Variants in PTPRD observed in about 807,000 individuals in gnomAD.
PTPRD encodes receptor-type tyrosine-protein phosphatase delta.
PTPRD carries 34 observed loss-of-function variants against 214.5 expected under a neutral mutation model. That is an observed-to-expected ratio of 0.16 (90% CI 0.12 to 0.21). The LOEUF (loss-of-function observed/expected upper bound fraction) is 0.21. Ranked by LOEUF, PTPRD falls within the 10% of genes least tolerant of loss-of-function variation. The pLI is 1.00. For missense variants in PTPRD, 2,545 were observed against 2,398.7 expected, an observed-to-expected ratio of 1.06 and a Z score of -1.27; for synonymous variants, 1,128 against 845.7, an observed-to-expected ratio of 1.33 and a Z score of -5.79.
At chr9:10,392,063 C>A (rs1259315037) in intron 2 of PTPRD, among the ~76,000 whole-genome samples, 1 of 151,834 alleles carries the variant, frequency 6.6e-6, no homozygotes, top group Non-Finnish European at 1.5e-5. Flanking sequence ...CATAGCATTT[C>A]ATCACTACTG....
chr9:8,779,199 C>A (rs966299812), intron 11 of PTPRD, among the ~76,000 whole-genome samples: 1 of 152,034 alleles, frequency 6.6e-6, no homozygotes, highest in Non-Finnish European at 1.5e-5. Context: ...AGAGAGCGAG[C>A]GAATAATATA....
intron 7 of PTPRD, among the ~76,000 whole-genome samples, chr9:9,641,423 C>A (rs960272072): frequency 1.3e-5 from 2 of 152,110 alleles, no homozygotes; most frequent in East Asian, 3.9e-4. Flanking sequence ...GATGAGCAGG[C>A]AAAGATAAGT....
At chr9:10,609,696 C>CA in intron 2 of PTPRD, among the ~76,000 whole-genome samples, 1 of 151,892 alleles carries the variant, frequency 6.6e-6, no homozygotes, top group Non-Finnish European at 1.5e-5. Flanking sequence ...AAGAATAAAG[C>CA]AAAAAAAGTT....
chr9:9,339,810 A>T (rs1304518419), intron 9 of PTPRD, among the ~76,000 whole-genome samples: 1 of 152,198 alleles, frequency 6.6e-6, no homozygotes, highest in Non-Finnish European at 1.5e-5. Flanking sequence ...AGACTATAGC[A>T]ATGGAACATC....
At chr9:9,095,384 C>T (rs2099782025) in intron 10 of PTPRD, among the ~76,000 whole-genome samples, 1 of 152,094 alleles carries the variant, frequency 6.6e-6, no homozygotes, top group African/African-American at 2.4e-5. Flanking sequence ...GCTATTTGAA[C>T]TAGGGTTGCA....
intron 35 of PTPRD, among the ~76,000 whole-genome samples, chr9:8,410,742 A>G (rs2093444646): frequency 6.6e-6 from 1 of 152,202 alleles, no homozygotes; most frequent in Admixed American, 6.5e-5. Context: ...GATAAAATGC[A>G]TCAGCTTTAC....
At chr9:9,740,524 ATT>A (rs33950646) in intron 6 of PTPRD, among the ~76,000 whole-genome samples, 1 of 151,316 alleles carries the variant, frequency 6.6e-6, no homozygotes, top group African/African-American at 2.4e-5. Flanking sequence ...CGCCCGGCTA[ATT>A]TTTTTTGTGT....
At chr9:9,523,159 A>G (rs1273381637) in intron 8 of PTPRD, among the ~76,000 whole-genome samples, 4 of 152,224 alleles carry the variant, frequency 2.6e-5, no homozygotes, top group Non-Finnish European at 5.9e-5. Flanking sequence ...TTTTAAAAAA[A>G]TGCTTTTTTA....
intron 4 of PTPRD, among the ~76,000 whole-genome samples, chr9:9,977,253 C>A: frequency 6.6e-6 from 1 of 152,142 alleles, no homozygotes. Context: ...TAGAACTTAC[C>A]AATTTGAAGC....
rs753157833 is a variant in PTPRD, at chr9:9,397,475, A to T, written c.-229T>A. 2 of 152,466 alleles carry T rather than the reference A, an allele frequency of 1.3e-5. No homozygotes were observed. Among genetic ancestry groups the T allele is most frequent in the African/African-American group, 2.4e-5 (1 of 41,442 alleles). The allele number at this position is 152,466 out of a possible 1,614,324, so 9.4% of individuals were successfully genotyped here. On this transcript the variant is annotated 5_prime_UTR_variant, in exon 9 of 46. Coordinates refer to ENST00000381196, the MANE Select transcript of PTPRD (RefSeq NM_002839.4). ...ACAGTTGTTCAGTTAATGGACAGGC[A>T]CCATCATCTGAAACAACAAAAATGT...
intron 12 of PTPRD, among the ~76,000 whole-genome samples, chr9:8,693,842 G>C (rs1373136105): frequency 6.6e-6 from 1 of 152,170 alleles, no homozygotes; most frequent in East Asian, 1.9e-4. Flanking sequence ...AGAACAACTT[G>C]CGTTGCTTGA....
intron 2 of PTPRD, among the ~76,000 whole-genome samples, chr9:10,455,965 T>G (rs1019259268): frequency 6.6e-6 from 1 of 151,838 alleles, no homozygotes; most frequent in African/African-American, 2.4e-5. Context: ...GTTCTTCTAT[T>G]TCTGTTTTAA....
At chr9:9,425,275 G>C (rs1053355795) in intron 8 of PTPRD, among the ~76,000 whole-genome samples, 4 of 151,680 alleles carry the variant, frequency 2.6e-5, no homozygotes, top group African/African-American at 9.7e-5. Context: ...GCCTGGCCCA[G>C]TTCCATGACG....
At chr9:10,497,183 C>T (rs2042318915) in intron 2 of PTPRD, among the ~76,000 whole-genome samples, 1 of 151,906 alleles carries the variant, frequency 6.6e-6, no homozygotes, top group African/African-American at 2.4e-5. Flanking sequence ...GGGGCAAAAA[C>T]TACCTTACTA....
At chr9:9,840,815 A>AAATACACTGGAATGCAATCTATG (rs2058141223) in intron 5 of PTPRD, among the ~76,000 whole-genome samples, 1 of 149,294 alleles carries the variant, frequency 6.7e-6, no homozygotes, top group Non-Finnish European at 1.5e-5. Context: ...AGGGGAAGGG[A>AAATACACTGGAATGCAATCTATG]AATACACTGG....
At chr9:9,708,866 A>G (rs1307926186) in intron 7 of PTPRD, among the ~76,000 whole-genome samples, 1 of 152,036 alleles carries the variant, frequency 6.6e-6, no homozygotes, top group Non-Finnish European at 1.5e-5. Context: ...AAATTTAAAA[A>G]ACACAATTTT....
intron 2 of PTPRD, among the ~76,000 whole-genome samples, chr9:10,472,612 C>T (rs2099038308): frequency 6.6e-6 from 1 of 152,078 alleles, no homozygotes. Context: ...TTTGGGATAA[C>T]TCTGCTATGT....
intron 8 of PTPRD, among the ~76,000 whole-genome samples, chr9:9,546,477 C>T (rs886596008): frequency 6.6e-6 from 1 of 151,490 alleles, no homozygotes; most frequent in East Asian, 1.9e-4. Context: ...ATTTGCCCTC[C>T]TTAGGTGATT....
intron 3 of PTPRD, among the ~76,000 whole-genome samples, chr9:10,094,567 C>A (rs1246262294): frequency 7.8e-6 from 1 of 127,994 alleles, no homozygotes; most frequent in African/African-American, 3.1e-5. Context: ...TGAAATGGGG[C>A]AGAGTAACTG....
Sources: allele counts gnomAD v4.1 joint callset (sites outside exome capture counted in the v4.1 genomes callset), GRCh38; gene constraint gnomAD v4.1.1; transcripts MANE v1.5; gene names NCBI Gene and HGNC (gene_info 2026-07-23, HGNC 2026-07-21).